HS3ST5: variants seen among roughly 807,000 people sequenced by gnomAD.
HS3ST5 encodes the protein heparan sulfate-glucosamine 3-sulfotransferase 5, also known as heparan sulfate glucosamine 3-O-sulfotransferase 5.
A neutral mutation model predicts 25.4 loss-of-function variants in HS3ST5; 10 were observed. That is an observed-to-expected ratio of 0.39 (90% CI 0.24 to 0.67). HS3ST5 has a LOEUF of 0.67. HS3ST5 is among the 30% of genes least tolerant of loss of function. The pLI, the probability that HS3ST5 is intolerant of heterozygous loss-of-function variation, is 0.44. For synonymous variants in HS3ST5, 170 were observed against 162.4 expected (o/e 1.05, Z -0.36); for missense variants, 324 against 420.7 (o/e 0.77, Z 2.01).
chr6:114,213,092 G>A (rs1429537358), intron 2 of HS3ST5, among the ~76,000 whole-genome samples: 8 of 152,044 alleles, frequency 5.3e-5, no homozygotes, highest in East Asian at 1.9e-4. Flanking sequence ...GGCTCTCAGC[G>A]GGATGGAGAG....
intron 1 of HS3ST5, among the ~76,000 whole-genome samples, chr6:114,272,000 G>A (rs900791443): frequency 3.9e-5 from 6 of 152,112 alleles, no homozygotes; most frequent in Non-Finnish European, 2.9e-5. Flanking sequence ...GATAGTGGAT[G>A]ACACTGGTGA....
At chr6:114,183,406 A>C (rs1193537617) in intron 2 of HS3ST5, among the ~76,000 whole-genome samples, 1 of 152,174 alleles carries the variant, frequency 6.6e-6, no homozygotes, top group Non-Finnish European at 1.5e-5. Context: ...CATGATTGTG[A>C]GGCCTCTCCA....
At chr6:114,156,380 G>A (rs1778698724) in intron 3 of HS3ST5, among the ~76,000 whole-genome samples, 1 of 152,172 alleles carries the variant, frequency 6.6e-6, no homozygotes, top group Admixed American at 6.5e-5. Flanking sequence ...TGATTCAAAG[G>A]TAAATGTCAA....
At chr6:114,216,320 T>C (rs1192917612) in intron 2 of HS3ST5, among the ~76,000 whole-genome samples, 1 of 152,230 alleles carries the variant, frequency 6.6e-6, no homozygotes, top group African/African-American at 2.4e-5. Context: ...GCAAAGCCCA[T>C]TGCAACAATG....
chr6:114,105,306 T>C (rs950431526), intron 3 of HS3ST5, among the ~76,000 whole-genome samples: 10 of 152,192 alleles, frequency 6.6e-5, no homozygotes, highest in African/African-American at 2.4e-4. Context: ...TCAGCTAGTA[T>C]GCTACTTTAG....
At chr6:114,334,835 T>TTAAA (rs1329976300) in intron 1 of HS3ST5, among the ~76,000 whole-genome samples, 7 of 152,252 alleles carry the variant, frequency 4.6e-5, no homozygotes, top group African/African-American at 1.7e-4. Context: ...TTTGGCAGAC[T>TTAAA]TATTTAAGTC....
At chr6:114,249,454 C>G (rs908147037) in intron 1 of HS3ST5, among the ~76,000 whole-genome samples, 1 of 152,200 alleles carries the variant, frequency 6.6e-6, no homozygotes, top group Admixed American at 6.5e-5. Flanking sequence ...TATCATTCTA[C>G]ACCTCAAGGC....
intron 1 of HS3ST5, among the ~76,000 whole-genome samples, chr6:114,278,567 G>A (rs1040846839): frequency 6.8e-6 from 1 of 146,772 alleles, no homozygotes; most frequent in African/African-American, 2.5e-5. Flanking sequence ...GTAAAGTGAG[G>A]GACCATGAAC....
intron 3 of HS3ST5, among the ~76,000 whole-genome samples, chr6:114,099,495 C>A (rs933290277): frequency 1.3e-5 from 2 of 152,064 alleles, no homozygotes; most frequent in African/African-American, 4.8e-5. Context: ...GCACACAGAT[C>A]ATAAAATTTA....
At chr6:114,237,791 C>T (rs1004545118) in intron 1 of HS3ST5, among the ~76,000 whole-genome samples, 4 of 152,084 alleles carry the variant, frequency 2.6e-5, no homozygotes, top group African/African-American at 7.2e-5. Flanking sequence ...TAGTTTTCTA[C>T]GTAAGTCAGG....
At chr6:114,166,617 G>T (rs1779220108) in intron 3 of HS3ST5, among the ~76,000 whole-genome samples, 1 of 152,166 alleles carries the variant, frequency 6.6e-6, no homozygotes, top group Admixed American at 6.5e-5. Flanking sequence ...TACACAGGGT[G>T]AGGGAGGGAC....
At chr6:114,103,649 C>G (rs562509553) in intron 3 of HS3ST5, among the ~76,000 whole-genome samples, 2 of 150,982 alleles carry the variant, frequency 1.3e-5, no homozygotes, top group South Asian at 4.2e-4. Context: ...CTCCTGGCCT[C>G]AAGCCTAACT....
chr6:114,191,222 GCTCT>G (rs369501853), intron 2 of HS3ST5, among the ~76,000 whole-genome samples: 3 of 151,722 alleles, frequency 2.0e-5, no homozygotes, highest in African/African-American at 4.8e-5. Flanking sequence ...GTATGTGTGT[GCTCT>G]CTCTCTCTCT....
intron 3 of HS3ST5, among the ~76,000 whole-genome samples, chr6:114,162,231 C>T (rs1779008342): frequency 6.6e-6 from 1 of 152,156 alleles, no homozygotes; most frequent in South Asian, 2.1e-4. Flanking sequence ...CCAGTGGCAT[C>T]TCAGGCCAGG....
Position 114,084,808 on chromosome 6 carries a change from GA to G in HS3ST5, c.-32-21932del, listed in dbSNP as rs1774699968. ...ACTTAAGCATATTTTCAAACTCTTA[GA>G]AAATTTCTTTTTTCTTTTCTTTTCT... On this transcript the variant is annotated intron_variant, in intron 3 of 4. Transcript: ENST00000312719. 7.5e-6 allele frequency: 5 copies of G among 668,232 alleles called. No homozygotes were observed. In the Admixed American group the frequency reaches 8.7e-5, roughly 12 times the overall value. 41.4% of individuals were successfully genotyped at this position (668,232 alleles called of 1,614,324 possible). A position where few individuals can be genotyped will look rare whatever the true frequency, so the allele number is the denominator to read the frequency against.
intron 1 of HS3ST5, among the ~76,000 whole-genome samples, chr6:114,256,317 G>A (rs578151882): frequency 1.1e-4 from 16 of 151,932 alleles, no homozygotes; most frequent in African/African-American, 3.6e-4. Context: ...GAACCCGGGA[G>A]GCAGAGCTTG....
chr6:114,138,317 A>T (rs6908781), intron 3 of HS3ST5, among the ~76,000 whole-genome samples: 3,916 of 152,318 alleles, frequency 0.026, 77 homozygotes, highest in Middle Eastern at 0.054. Context: ...CGGCTTTTGG[A>T]TTAATTTTGT....
chr6:114,095,515 G>C (rs912929037), intron 3 of HS3ST5, among the ~76,000 whole-genome samples: 7 of 152,172 alleles, frequency 4.6e-5, no homozygotes, highest in Non-Finnish European at 1.0e-4. Flanking sequence ...AACCAAAGAA[G>C]ACAACACTGA....
intron 1 of HS3ST5, among the ~76,000 whole-genome samples, chr6:114,332,478 T>C (rs767928168): frequency 3.1e-4 from 47 of 152,160 alleles, no homozygotes; most frequent in Non-Finnish European, 6.2e-4. Context: ...CTGTTCAATG[T>C]ATACTGAAAT....
Sources: allele counts gnomAD v4.1 joint callset (sites outside exome capture counted in the v4.1 genomes callset), GRCh38; gene constraint gnomAD v4.1.1; transcripts MANE v1.5; gene names NCBI Gene and HGNC (gene_info 2026-07-23, HGNC 2026-07-21).